Variants in MTREX observed in about 807,000 individuals in gnomAD.
The protein encoded by MTREX is Mtr4 exosome RNA helicase.
A neutral mutation model predicts 135.4 loss-of-function variants in MTREX; 76 were observed. That is an observed-to-expected ratio of 0.56 (90% CI 0.47 to 0.68). The LOEUF (loss-of-function observed/expected upper bound fraction) is 0.68, where lower values mean the gene tolerates loss of function less well. MTREX is among the 30% of genes least tolerant of loss of function. The pLI is 0.00. For synonymous variants in MTREX, 404 were observed against 401.6 expected (o/e 1.01, Z -0.07); for missense variants, 920 against 1,262.1 (o/e 0.73, Z 4.11).
intron 9 of MTREX, 46 bp from the exon 10 acceptor site, chr5:55,345,048 T>A: frequency 9.0e-7 from 1 of 1,114,958 alleles, no homozygotes; most frequent in Non-Finnish European, 1.3e-6. Flanking sequence ...GTTTGAATTA[T>A]GATTAAGTAT....
chr5:55,400,095 A>T, intron 20 of MTREX, 138 bp from the exon 21 acceptor site: 1 of 556,068 alleles, frequency 1.8e-6, no homozygotes, highest in Non-Finnish European at 3.0e-6. Context: ...CCTATAATTT[A>T]AATTGGCAAA....
At chr5:55,356,031 G>T (rs756874747) in intron 14 of MTREX, among the ~76,000 whole-genome samples, 4 of 152,218 alleles carry the variant, frequency 2.6e-5, no homozygotes, top group Non-Finnish European at 4.4e-5. Context: ...TACCAGAGCA[G>T]TTTCCCACCA....
intron 3 of MTREX, among the ~76,000 whole-genome samples, chr5:55,324,949 A>G (rs1004866522): frequency 3.9e-5 from 6 of 152,278 alleles, no homozygotes; most frequent in East Asian, 1.9e-4. Flanking sequence ...TGAAGGTTAC[A>G]TGCTATTTCA....
chr5:55,321,448 G>A (rs374930723), intron 1 of MTREX, among the ~76,000 whole-genome samples: 47 of 152,114 alleles, frequency 3.1e-4, no homozygotes, highest in Non-Finnish European at 6.0e-4. Flanking sequence ...TCCTGGTTAA[G>A]AAGTCCGGAA....
At chr5:55,341,197 T>C (rs1749643166) in intron 6 of MTREX, among the ~76,000 whole-genome samples, 1 of 152,098 alleles carries the variant, frequency 6.6e-6, no homozygotes, top group African/African-American at 2.4e-5. Context: ...CTCCAAAAAT[T>C]AGGGTAACAG....
chr5:55,387,990 T>C lies in MTREX; in HGVS notation c.2069T>C (p.Leu690Pro). The C allele has an allele frequency of 6.3e-7, 1 of 1,597,048 alleles. No individual in the cohort carries two copies. The highest frequency in any genetic ancestry group is 1.3e-5 in the African/African-American group (1 of 74,776). ...GTTTTTTAGCCTAACTCTGGTGAAC[T>C]GGATCCTTTGTATGTAGTAGAAGTA... ...KSNVKPNSGE[L>P]DPLYVVEVLL... The change falls in exon 19 of 27, where the codon CTG (leucine) becomes CCG (proline). Residue 690 changes from leucine to proline, a missense_variant. Leu to Pro is a moderately conservative substitution (Grantham distance 98). Around this residue, in one of 6 missense-constraint regions of MTREX, gnomAD observed 467 missense variants for 589.7 expected, o/e 0.79. Transcript: ENST00000230640.
In MTREX at chr5:55,425,049, G is replaced by GTAAC. The variant is rs1282547178; in HGVS notation, c.*280_*283dup. The GTAAC allele has an allele frequency of 2.9e-6, 3 of 1,020,482 alleles. No individual in the cohort carries two copies. Among genetic ancestry groups the GTAAC allele is most frequent in the Non-Finnish European group, 4.3e-6 (3 of 700,040 alleles). 63.2% of individuals were successfully genotyped at this position (1,020,482 alleles called of 1,614,324 possible). On this transcript the variant is annotated 3_prime_UTR_variant, in exon 27 of 27. Coordinates refer to ENST00000230640, the MANE Select transcript of MTREX (RefSeq NM_015360.5). ...CTATTAGATAACCACTGAGTTAAAG[G>GTAAC]TAACTATGTACACACAAAGTGTGCA...
intron 23 of MTREX, among the ~76,000 whole-genome samples, chr5:55,413,489 C>T (rs551466116): frequency 6.6e-6 from 1 of 152,100 alleles, no homozygotes; most frequent in South Asian, 2.1e-4. Context: ...TAAGCCTACT[C>T]ATTTTGAGGA....
At chr5:55,347,572 A>T (rs1423110641) in intron 11 of MTREX, among the ~76,000 whole-genome samples, 2 of 152,208 alleles carry the variant, frequency 1.3e-5, no homozygotes, top group Admixed American at 1.3e-4. Flanking sequence ...ACTATTTTGT[A>T]ATTCTCAATC....
chr5:55,370,425 T>C (rs969265846), intron 16 of MTREX, among the ~76,000 whole-genome samples: 1 of 152,194 alleles, frequency 6.6e-6, no homozygotes, highest in African/African-American at 2.4e-5. Flanking sequence ...GTTTTGTTTT[T>C]TCAATGTGGT....
At chr5:55,384,920 C>T (rs1750453763) in intron 18 of MTREX, among the ~76,000 whole-genome samples, 1 of 152,158 alleles carries the variant, frequency 6.6e-6, no homozygotes, top group African/African-American at 2.4e-5. Flanking sequence ...AAACCAGGTT[C>T]TCTTCTGCAA....
intron 1 of MTREX, among the ~76,000 whole-genome samples, chr5:55,315,471 G>A (rs1035787334): frequency 1.3e-5 from 2 of 152,016 alleles, no homozygotes; most frequent in Non-Finnish European, 2.9e-5. Context: ...TAAACAGATT[G>A]CCCAGATAGT....
Position 55,383,151 on chromosome 5 carries a change from G to T in MTREX, c.2052+3956G>T, listed in dbSNP as rs184900815. ...GATACTATATTTTGGTATGTTACAG[G>T]CTCAATAATATAATGTATACATATT... On this transcript the variant is annotated intron_variant, in intron 18 of 26. Coordinates refer to ENST00000230640, the MANE Select transcript of MTREX (RefSeq NM_015360.5). Among the ~76,000 whole-genome samples the T allele has an allele frequency of 5.2e-4, 79 of 152,164 alleles. No homozygotes were observed. In the East Asian group the frequency reaches 0.012, roughly 24 times the overall value.
chr5:55,365,175 G>A (rs1009309866), intron 15 of MTREX, among the ~76,000 whole-genome samples: 1 of 152,084 alleles, frequency 6.6e-6, no homozygotes, highest in African/African-American at 2.4e-5. Context: ...ATTTCTTGGT[G>A]GACATAATCA....
intron 20 of MTREX, among the ~76,000 whole-genome samples, chr5:55,398,112 TCTATAATC>T (rs1313795063): frequency 6.6e-6 from 1 of 152,086 alleles, no homozygotes; most frequent in African/African-American, 2.4e-5. Flanking sequence ...GTGGTATGCA[TCTATAATC>T]CCAGTTACTC....
intron 19 of MTREX, among the ~76,000 whole-genome samples, chr5:55,389,698 A>G (rs1750534879): frequency 6.6e-6 from 1 of 152,200 alleles, no homozygotes; most frequent in Non-Finnish European, 1.5e-5. Context: ...AAGGGAAGCC[A>G]TATGTACAGA....
intron 11 of MTREX, among the ~76,000 whole-genome samples, chr5:55,349,185 C>CTTT (rs369214186): frequency 0.017 from 2,180 of 128,706 alleles, 99 homozygotes; most frequent in African/African-American, 0.06. Context: ...TTTAAAGACT[C>CTTT]TTTTTTTTTT....
At chr5:55,323,394 T>C (rs1198360871) in intron 2 of MTREX, among the ~76,000 whole-genome samples, 1 of 152,084 alleles carries the variant, frequency 6.6e-6, no homozygotes, top group Non-Finnish European at 1.5e-5. Flanking sequence ...AGGACCTAGA[T>C]AGCATAATGT....
intron 5 of MTREX, chr5:55,329,521 T>C (rs1439093974): frequency 3.3e-5 from 5 of 152,140 alleles, no homozygotes; most frequent in Non-Finnish European, 7.4e-5. Context: ...TGATAAGTTA[T>C]GTTTGATCTT....
Sources: gnomAD v4.1 joint callset for allele counts (sites outside exome capture counted in the v4.1 genomes callset) on GRCh38, gnomAD v4.1.1 for gene constraint, gnomAD v4.1.1 regional missense constraint, MANE v1.5 for transcripts, NCBI Gene and HGNC (gene_info 2026-07-23, HGNC 2026-07-21) for gene names.